The following TRAF3 variants were observed in gnomAD, a reference collection of about 807,000 sequenced individuals.
TRAF3 encodes TNF receptor-associated factor 3.
A neutral mutation model predicts 62.3 loss-of-function variants in TRAF3; 13 were observed. That is an observed-to-expected ratio of 0.21 (90% confidence interval 0.14 to 0.33). TRAF3 has a LOEUF of 0.33. Ranked by LOEUF, TRAF3 falls within the 10% of genes least tolerant of loss-of-function variation. The pLI is 1.00. For missense variants in TRAF3, 440 were observed against 741.8 expected, an observed-to-expected ratio of 0.59 and a Z score of 4.73; for synonymous variants, 269 against 283.4, an observed-to-expected ratio of 0.95 and a Z score of 0.51.
At chr14:102,793,789 A>G (rs1897927770) in intron 1 of TRAF3, among the ~76,000 whole-genome samples, 1 of 152,224 alleles carries the variant, frequency 6.6e-6, no homozygotes, top group African/African-American at 2.4e-5. Context: ...AAAGCCACAG[A>G]TTGTTCCGGA....
intron 1 of TRAF3, among the ~76,000 whole-genome samples, chr14:102,827,746 A>C (rs1283472844): frequency 6.6e-6 from 1 of 152,266 alleles, no homozygotes; most frequent in Admixed American, 6.5e-5. Context: ...TAAGCGTGCT[A>C]CTATTTCAGA....
At chr14:102,853,138 A>C (rs1233024531) in intron 2 of TRAF3, among the ~76,000 whole-genome samples, 1 of 151,948 alleles carries the variant, frequency 6.6e-6, no homozygotes, top group Non-Finnish European at 1.5e-5. Context: ...CTGACCTCAG[A>C]CGATCCTCCT....
At chr14:102,895,707 G>T (rs141456917) in intron 9 of TRAF3, among the ~76,000 whole-genome samples, 1 of 152,360 alleles carries the variant, frequency 6.6e-6, no homozygotes, top group Non-Finnish European at 1.5e-5. Flanking sequence ...ACCCTCGTTG[G>T]AGTTACCCTT....
intron 1 of TRAF3, among the ~76,000 whole-genome samples, chr14:102,786,375 A>G (rs1897503206): frequency 6.6e-6 from 1 of 152,212 alleles, no homozygotes; most frequent in Non-Finnish European, 1.5e-5. Flanking sequence ...CCATAATAAA[A>G]AAGTAATTGT....
chr14:102,882,567 G>T (rs201475516), intron 6 of TRAF3, among the ~76,000 whole-genome samples: 2,741 of 137,168 alleles, frequency 0.02, 36 homozygotes, highest in Non-Finnish European at 0.033. Context: ...CATGTATTTT[G>T]TTTTTTTTTT....
rs1194449598 is a variant in TRAF3, at chr14:102,826,273, TCA to T, written c.-156-4058_-156-4057del. On this transcript the variant is annotated intron_variant, in intron 1 of 11. Coordinates refer to ENST00000392745, the MANE Select transcript of TRAF3 (RefSeq NM_145725.3). The surrounding 1 kb of genome is among the most constrained non-coding windows in gnomAD (Gnocchi z 4.6). ...TCCTCGTCTGTCTGGTGGAGCCGCC[TCA>T]CAGAGGAACAAGTGAGTTGTGCGTG... is the stretch of plus-strand genomic sequence containing the variant. 6.6e-6 allele frequency among the ~76,000 whole-genome samples: 1 copy of T among 152,090 alleles called. No individual in the cohort carries two copies. The highest frequency in any genetic ancestry group is 1.5e-5 in the Non-Finnish European group (1 of 68,016).
At chr14:102,806,182 A>C (rs1312216749) in intron 1 of TRAF3, among the ~76,000 whole-genome samples, 1 of 152,252 alleles carries the variant, frequency 6.6e-6, no homozygotes, top group East Asian at 1.9e-4. Flanking sequence ...TTTCGGGTTC[A>C]AAATGTTAGT....
At chr14:102,839,704 G>A (rs1178941004) in intron 2 of TRAF3, among the ~76,000 whole-genome samples, 1 of 152,164 alleles carries the variant, frequency 6.6e-6, no homozygotes, top group East Asian at 1.9e-4. Flanking sequence ...TTGTGTGTTT[G>A]TATTTATTTA....
chr14:102,895,644 C>T (rs758474223), intron 9 of TRAF3, among the ~76,000 whole-genome samples: 13 of 152,196 alleles, frequency 8.5e-5, no homozygotes, highest in Non-Finnish European at 1.6e-4. Context: ...CAGAGACACT[C>T]GTTAATAGAT....
chr14:102,856,687 T>A (rs1887392039), intron 2 of TRAF3, among the ~76,000 whole-genome samples: 1 of 152,154 alleles, frequency 6.6e-6, no homozygotes, highest in Non-Finnish European at 1.5e-5. Context: ...CTATTCAAGA[T>A]GGAGTTTCTC....
Position 102,909,771 on chromosome 14 carries a change from C to T in TRAF3, c.*3987C>T, listed in dbSNP as rs903211512. 4 of 152,300 alleles carry T rather than the reference C, an allele frequency of 2.6e-5. No individual in the cohort carries two copies. The South Asian group carries it at 6.2e-4, about 24-fold the overall frequency. 9.4% of individuals were successfully genotyped at this position (152,300 alleles called of 1,614,324 possible). A position where few individuals can be genotyped will look rare whatever the true frequency, so the allele number is the denominator to read the frequency against. ...GACCACGTCAGCCTGCTCCAGGGTCCTCAGTCACCCTGGGCCAGGGGCCAC... is the reference window on the plus strand; with the variant it reads ...GACCACGTCAGCCTGCTCCAGGGTCTTCAGTCACCCTGGGCCAGGGGCCAC... On this transcript the variant is annotated 3_prime_UTR_variant, in exon 12 of 12. Coordinates refer to ENST00000392745, the MANE Select transcript of TRAF3 (RefSeq NM_145725.3).
chr14:102,831,310 A>C (rs1900668903), intron 2 of TRAF3, among the ~76,000 whole-genome samples: 1 of 152,226 alleles, frequency 6.6e-6, no homozygotes, highest in Non-Finnish European at 1.5e-5. Flanking sequence ...TCGCCCACAC[A>C]GGAGGACCAC....
intron 2 of TRAF3, among the ~76,000 whole-genome samples, chr14:102,868,820 A>G (rs1273806463): frequency 2.0e-5 from 3 of 152,020 alleles, no homozygotes; most frequent in Non-Finnish European, 4.4e-5. Flanking sequence ...ACTCGATTCA[A>G]CTCCTTTACA....
At chr14:102,781,111 G>A (rs1337764372) in intron 1 of TRAF3, among the ~76,000 whole-genome samples, 1 of 152,188 alleles carries the variant, frequency 6.6e-6, no homozygotes, top group Non-Finnish European at 1.5e-5. Flanking sequence ...CTGGGAAGCG[G>A]CGTTGAGTTG....
intron 1 of TRAF3, among the ~76,000 whole-genome samples, chr14:102,812,215 C>CT (rs988973921): frequency 2.6e-5 from 4 of 151,998 alleles, no homozygotes; most frequent in African/African-American, 9.7e-5. Context: ...GTGAGATCAA[C>CT]TTTTTTTAGC....
At chr14:102,796,780 T>C (rs1898114485) in intron 1 of TRAF3, among the ~76,000 whole-genome samples, 1 of 152,206 alleles carries the variant, frequency 6.6e-6, no homozygotes, top group South Asian at 2.1e-4. Flanking sequence ...TGGTCTGAAG[T>C]CTCTTACGAA....
intron 1 of TRAF3, among the ~76,000 whole-genome samples, chr14:102,794,364 T>C (rs1405525119): frequency 6.6e-6 from 1 of 152,162 alleles, no homozygotes; most frequent in Non-Finnish European, 1.5e-5. Context: ...TAACTTTTTG[T>C]AGAGACAAGG....
At chr14:102,849,917 A>G (rs1197500116) in intron 2 of TRAF3, among the ~76,000 whole-genome samples, 1 of 152,102 alleles carries the variant, frequency 6.6e-6, no homozygotes, top group East Asian at 1.9e-4. Flanking sequence ...CTTGATGTTG[A>G]GCTGCTTTTC....
chr14:102,856,149 G>A (rs1887357140), intron 2 of TRAF3, among the ~76,000 whole-genome samples: 2 of 151,496 alleles, frequency 1.3e-5, no homozygotes, highest in Non-Finnish European at 1.5e-5. Context: ...GGTGTGAAGT[G>A]GGAACTCACT....
Sources: gnomAD v4.1 joint callset for allele counts (sites outside exome capture counted in the v4.1 genomes callset) on GRCh38, gnomAD v4.1.1 for gene constraint, Gnocchi (gnomAD v3.1) non-coding constraint, MANE v1.5 for transcripts, NCBI Gene and HGNC (gene_info 2026-07-23, HGNC 2026-07-21) for gene names.